CCNJL: variants seen among roughly 807,000 people sequenced by gnomAD.
CCNJL encodes cyclin J like, also known as cyclin-J-like protein.
In CCNJL, 33 loss-of-function variants were observed where a neutral mutation model predicts 33.4. That is an observed-to-expected ratio of 0.99 (90% confidence interval 0.75 to 1.32). The LOEUF (loss-of-function observed/expected upper bound fraction) is 1.32. Among genes scored for constraint, CCNJL ranks in the 40% most tolerant of loss-of-function variants. The probability of loss-of-function intolerance (pLI) is 0.00; values close to 1 mark genes in which losing one functional copy is unlikely to be tolerated. For synonymous variants in CCNJL, 227 were observed against 220.9 expected (o/e 1.03, Z -0.24); for missense variants, 512 against 499.7 (o/e 1.02, Z -0.23).
intron 2 of CCNJL, among the ~76,000 whole-genome samples, chr5:160,285,902 T>C (rs1170506810): frequency 6.6e-6 from 1 of 152,220 alleles, no homozygotes; most frequent in Non-Finnish European, 1.5e-5. Flanking sequence ...AGACAGCTGG[T>C]AGCAGCAGCC....
At chr5:160,307,189 C>T (rs1004873055) in intron 2 of CCNJL, among the ~76,000 whole-genome samples, 2 of 152,226 alleles carry the variant, frequency 1.3e-5, no homozygotes, top group Non-Finnish European at 2.9e-5. Flanking sequence ...GTGCCTGCAT[C>T]AGGTGAGGTG....
chr5:160,320,823 T>TTCTTTCTTTCTTTCTTTC (rs1763435607), intron 1 of CCNJL, among the ~76,000 whole-genome samples: 1 of 112,992 alleles, frequency 8.9e-6, no homozygotes, highest in African/African-American at 3.7e-5. Context: ...CTTTCTTTCT[T>TTCTTTCTTTCTTTCTTTC]TCTTTCTTTC....
At chr5:160,327,660 T>A (rs1467246328) in intron 1 of CCNJL, among the ~76,000 whole-genome samples, 4 of 152,156 alleles carry the variant, frequency 2.6e-5, no homozygotes, top group African/African-American at 9.7e-5. Context: ...GAAGAACAAC[T>A]CTGGGAGGCA....
intron 2 of CCNJL, among the ~76,000 whole-genome samples, chr5:160,300,439 T>G (rs1256040204): frequency 6.6e-6 from 1 of 152,170 alleles, no homozygotes; most frequent in Admixed American, 6.5e-5. Flanking sequence ...CACAAGCGTG[T>G]CCAACCCACA....
intron 2 of CCNJL, among the ~76,000 whole-genome samples, chr5:160,308,679 AC>A (rs1487896049): frequency 1.3e-5 from 2 of 152,108 alleles, no homozygotes; most frequent in Non-Finnish European, 2.9e-5. Context: ...AATGGTGTGA[AC>A]CCGGGAGGCG....
At chr5:160,287,301 T>C (rs28595384) in intron 2 of CCNJL, among the ~76,000 whole-genome samples, 18,846 of 152,226 alleles carry the variant, frequency 0.12, 1,434 homozygotes, top group South Asian at 0.24. Flanking sequence ...AAAGGCTCTT[T>C]GGGCTTTCAA....
At chr5:160,282,983 A>ATATG (rs1554120732) in intron 2 of CCNJL, among the ~76,000 whole-genome samples, 3 of 54,330 alleles carry the variant, frequency 5.5e-5, no homozygotes, top group Non-Finnish European at 9.9e-5. Flanking sequence ...ATATATATAT[A>ATATG]TATATATATA....
intron 2 of CCNJL, among the ~76,000 whole-genome samples, chr5:160,288,633 G>A (rs1436860980): frequency 6.6e-6 from 1 of 152,040 alleles, no homozygotes; most frequent in African/African-American, 2.4e-5. Context: ...CACTTTGGGA[G>A]GCTGAGGCGG....
At chr5:160,304,725 A>C (rs369068523) in intron 2 of CCNJL, among the ~76,000 whole-genome samples, 2 of 152,120 alleles carry the variant, frequency 1.3e-5, no homozygotes, top group East Asian at 3.8e-4. Context: ...GCAGAAATCC[A>C]AAAGGAGGGG....
chr5:160,286,793 C>T (rs192738099), intron 2 of CCNJL, among the ~76,000 whole-genome samples: 1 of 152,228 alleles, frequency 6.6e-6, no homozygotes, highest in East Asian at 1.9e-4. Flanking sequence ...CCCTGGGATG[C>T]TCTTTCTCCC....
chr5:160,334,220 G>A (rs763481595), intron 1 of CCNJL, among the ~76,000 whole-genome samples: 1 of 152,044 alleles, frequency 6.6e-6, no homozygotes, highest in South Asian at 2.1e-4. Flanking sequence ...TGTCATGCCC[G>A]TGCTACACAC....
Position 160,297,503 on chromosome 5 carries a change from C to A in CCNJL, c.66+14355G>T, listed in dbSNP as rs1226015577. Among the ~76,000 whole-genome samples, 5 of 151,888 alleles carry A rather than the reference C, an allele frequency of 3.3e-5. No individual in the cohort carries two copies. In the East Asian group the frequency reaches 9.7e-4, roughly 29 times the overall value. On this transcript the variant is annotated intron_variant, in intron 2 of 5. Transcript: ENST00000257536. ...ATCTGACAAAAATTCCCGCAGAAACCACTTCAGAGCCCGTCTTAAAAGTAA... is the reference window on the plus strand; with the variant it reads ...ATCTGACAAAAATTCCCGCAGAAACAACTTCAGAGCCCGTCTTAAAAGTAA...
chr5:160,256,146 C>T (rs992825967), intron 4 of CCNJL, among the ~76,000 whole-genome samples: 6 of 152,166 alleles, frequency 3.9e-5, no homozygotes, highest in African/African-American at 1.4e-4. Context: ...GCCTCAGCCT[C>T]CCAAAGTGCT....
In CCNJL at chr5:160,320,859, TTCTTTCTTTC is replaced by T. The variant is rs1229831407; in HGVS notation, n.207-5364_207-5355del. Among the ~76,000 whole-genome samples the T allele has an allele frequency of 5.2e-5, 7 of 133,990 alleles. No individual in the cohort carries two copies. The East Asian group carries it at 1.4e-3, about 27-fold the overall frequency. The allele number at this position is 133,990 out of a possible 152,430, so 87.9% of individuals were successfully genotyped here. A position where few individuals can be genotyped will look rare whatever the true frequency, so the allele number is the denominator to read the frequency against. On this transcript the variant is annotated intron_variant and non_coding_transcript_variant, in intron 1 of 7. Transcript: ENST00000377503. Reference sequence around the variant, plus strand: ...TTTCTTTCTTTCTTTCCTTCTTTCTTTCTTTCTTTCTCTCTTTCTTTCTTTTTCTTTCTTT... The same window carrying T: ...TTTCTTTCTTTCTTTCCTTCTTTCTTTCTCTTTCTTTCTTTTTCTTTCTTT...
At chr5:160,300,330 C>T (rs1762883162) in intron 2 of CCNJL, among the ~76,000 whole-genome samples, 2 of 152,140 alleles carry the variant, frequency 1.3e-5, no homozygotes, top group Non-Finnish European at 1.5e-5. Flanking sequence ...TCATCCAGCC[C>T]TTGATGCAGG....
chr5:160,316,240 C>G (rs1763377629), upstream of CCNJL, among the ~76,000 whole-genome samples: 2 of 152,136 alleles, frequency 1.3e-5, no homozygotes, highest in South Asian at 4.1e-4. Flanking sequence ...CTTCTCCCAT[C>G]CACCCCCAAC....
rs114249924 is a variant in CCNJL, at chr5:160,332,526, A to C, written n.206+6919T>G. 7.5e-3 allele frequency among the ~76,000 whole-genome samples: 1,137 copies of C among 152,170 alleles called. 14 individuals carry two copies. Among genetic ancestry groups the C allele is most frequent in the African/African-American group, 0.025 (1,057 of 41,518 alleles). On this transcript the variant is annotated intron_variant and non_coding_transcript_variant, in intron 1 of 7. Transcript: ENST00000377503. ...GTGTGATCTGCCTACACCTTTGTTA[A>C]CCTGTCTGACCTCATCTTCTCCCAC... is the stretch of plus-strand genomic sequence containing the variant.
At chr5:160,259,345 TG>T (rs1761213605) in intron 4 of CCNJL, 123 bp downstream of exon 4, 1 of 777,292 alleles carries the variant, frequency 1.3e-6, no homozygotes. Context: ...AAGAGTGATC[TG>T]GGTGCACAGG....
At chr5:160,329,449 C>A (rs892177284) in intron 1 of CCNJL, among the ~76,000 whole-genome samples, 27 of 150,964 alleles carry the variant, frequency 1.8e-4, no homozygotes, top group African/African-American at 6.6e-4. Flanking sequence ...CTCCCGGGTT[C>A]ATGCCATTCT....
Sources: allele counts gnomAD v4.1 joint callset (sites outside exome capture counted in the v4.1 genomes callset), GRCh38; gene constraint gnomAD v4.1.1; transcripts MANE v1.5; gene names NCBI Gene and HGNC (gene_info 2026-07-23, HGNC 2026-07-21).